Variants in MEIG1 observed in about 807,000 individuals in gnomAD.
MEIG1 encodes the protein meiosis expressed gene 1 protein homolog.
In MEIG1, 12 loss-of-function variants were observed where a neutral mutation model predicts 11.3. The ratio of observed to expected loss-of-function variants is 1.07; its 90% confidence interval spans 0.68 to 1.73. The LOEUF (loss-of-function observed/expected upper bound fraction) is 1.73, where lower values mean the gene tolerates loss of function less well. MEIG1 is among the 40% of genes most tolerant of loss of function. MEIG1 has a pLI of 0.00. For missense variants in MEIG1, 119 were observed against 104.9 expected (o/e 1.13, Z -0.59); for synonymous variants, 41 against 33.2 (o/e 1.24, Z -0.81).
chr10:14,957,032 C>T (rs183590918), upstream of MEIG1, among the ~76,000 whole-genome samples: 11 of 152,166 alleles, frequency 7.2e-5, no homozygotes, highest in Non-Finnish European at 1.6e-4. Context: ...CCAGTCTAGA[C>T]GACAAAAGAG....
chr10:14,972,605 CAAAG>C lies in MEIG1; in HGVS notation c.234_237del (p.Glu79SerfsTer4), dbSNP rs1183988711. 7 of 1,612,442 alleles carry C rather than the reference CAAAG, an allele frequency of 4.3e-6. No individual in the cohort carries two copies. Among genetic ancestry groups the C allele is most frequent in the African/African-American group, 4.0e-5 (3 of 74,886 alleles). On this transcript the variant is annotated frameshift_variant, in exon 3 of 3. Transcript: ENST00000407572. LOFTEE classifies it high-confidence loss of function. ...ACAACAAACAGAGGGAATGTGATGA[CAAAG>C]AAGTCCACAAAGTGAAAATTTATGC...
At chr10:14,982,127 A>G (rs1311445161) in intron 1 of MEIG1, among the ~76,000 whole-genome samples, 2 of 152,180 alleles carry the variant, frequency 1.3e-5, no homozygotes, top group Non-Finnish European at 2.9e-5. Context: ...GGGAGTATAC[A>G]TATGATAGGC....
chr10:14,977,871 G>C (rs146623049), intron 1 of MEIG1, among the ~76,000 whole-genome samples: 233 of 151,990 alleles, frequency 1.5e-3, no homozygotes, highest in African/African-American at 5.3e-3. Flanking sequence ...ATCACCGTGA[G>C]TTTACACCCT....
chr10:14,984,722 A>G (rs1250187451), intron 1 of MEIG1, among the ~76,000 whole-genome samples: 2 of 152,200 alleles, frequency 1.3e-5, no homozygotes, highest in East Asian at 3.9e-4. Flanking sequence ...GTCCTATTCT[A>G]GGGAAATGTG....
intron 1 of MEIG1, among the ~76,000 whole-genome samples, chr10:14,981,714 T>C (rs751863154): frequency 8.5e-5 from 13 of 152,248 alleles, no homozygotes; most frequent in East Asian, 1.9e-4. Context: ...GGGCCTCCTG[T>C]TCTGAGTCAT....
At chr10:14,971,513 A>C (rs1332162952) in intron 2 of MEIG1, among the ~76,000 whole-genome samples, 1 of 151,196 alleles carries the variant, frequency 6.6e-6, no homozygotes, top group Non-Finnish European at 1.5e-5. Flanking sequence ...ACCGCACTAC[A>C]GCCTCGGAGA....
downstream of MEIG1, among the ~76,000 whole-genome samples, chr10:14,976,478 T>A (rs978868922): frequency 3.3e-5 from 5 of 152,132 alleles, no homozygotes; most frequent in African/African-American, 1.2e-4. Context: ...ATATTATTCA[T>A]AATATCCTAG....
At chr10:14,978,828 T>C (rs1025882960) in intron 1 of MEIG1, among the ~76,000 whole-genome samples, 12 of 151,896 alleles carry the variant, frequency 7.9e-5, no homozygotes, top group Non-Finnish European at 1.8e-4. Flanking sequence ...CTTTTGAAAT[T>C]ATTCATCACA....
chr10:14,971,606 T>C (rs2131273710), intron 2 of MEIG1, among the ~76,000 whole-genome samples: 1 of 152,262 alleles, frequency 6.6e-6, no homozygotes, highest in South Asian at 2.1e-4. Context: ...ATATACACTT[T>C]TGGATAGTTC....
At chr10:14,955,140 C>G (rs41304286), upstream of MEIG1, among the ~76,000 whole-genome samples, 22 of 152,254 alleles carry the variant, frequency 1.4e-4, 1 homozygote, top group East Asian at 4.1e-3. Context: ...CCACGTTGAC[C>G]AGGCTGGTCT....
At chr10:14,974,289 C>T (rs1441774288), downstream of MEIG1, among the ~76,000 whole-genome samples, 1 of 152,146 alleles carries the variant, frequency 6.6e-6, no homozygotes. Flanking sequence ...CTCCGCCTTT[C>T]ATCTCTGTTA....
chr10:14,969,622 G>A (rs1387020596), intron 2 of MEIG1, among the ~76,000 whole-genome samples: 1 of 152,164 alleles, frequency 6.6e-6, no homozygotes, highest in Non-Finnish European at 1.5e-5. Context: ...TTCACCTGCA[G>A]TCAGGAGTTA....
At chr10:14,954,260 C>T in the MEIG1 span, 1 of 594,610 alleles carries the variant, frequency 1.7e-6, no homozygotes, top group African/African-American at 1.9e-5. Context: ...GAGCCCTGCC[C>T]AGTGCAAGGC....
Position 14,972,643 on chromosome 10 carries a change from C to T in MEIG1, c.*2C>T. 3.1e-6 allele frequency: 5 copies of T among 1,599,556 alleles called. No individual in the cohort carries two copies. The highest frequency in any genetic ancestry group is 4.3e-6 in the Non-Finnish European group (5 of 1,173,632). ...AAAGTGAAAATTTATGCTTACTAGC[C>T]TGTCTTCTTTGTATTACTTGTCAAT... On this transcript the variant is annotated 3_prime_UTR_variant, in exon 3 of 3. Transcript: ENST00000407572.
At chr10:14,985,683 A>G (rs1843311711) in intron 1 of MEIG1, among the ~76,000 whole-genome samples, 1 of 152,044 alleles carries the variant, frequency 6.6e-6, no homozygotes, top group South Asian at 2.1e-4. Context: ...AGTGTACAAA[A>G]TGTCACAGAA....
At chr10:14,954,886 A>G (rs1228177565), upstream of MEIG1, among the ~76,000 whole-genome samples, 2 of 152,164 alleles carry the variant, frequency 1.3e-5, no homozygotes, top group Non-Finnish European at 2.9e-5. Flanking sequence ...TTCCTATCAA[A>G]TCTCCTTAGT....
intron 2 of MEIG1, among the ~76,000 whole-genome samples, chr10:14,968,610 G>A (rs1843114897): frequency 6.6e-6 from 1 of 152,062 alleles, no homozygotes; most frequent in African/African-American, 2.4e-5. Context: ...CATTATTGTG[G>A]TTAACAATAG....
intron 2 of MEIG1, among the ~76,000 whole-genome samples, chr10:14,971,845 C>T (rs1173358350): frequency 2.6e-5 from 4 of 152,150 alleles, no homozygotes; most frequent in Non-Finnish European, 5.9e-5. Context: ...GAGCTGGGTG[C>T]AGTGGCTCAG....
Position 14,972,594 on chromosome 10 carries a change from G to A in MEIG1, c.220G>A (p.Glu74Lys). 2 of 1,613,276 alleles carry A rather than the reference G, an allele frequency of 1.2e-6. No homozygotes were observed. Among genetic ancestry groups the A allele is most frequent in the Non-Finnish European group, 1.7e-6 (2 of 1,179,696 alleles). Reference sequence around the variant, plus strand: ...GTTCTATTACTACAACAAACAGAGGGAATGTGATGACAAAGAAGTCCACAA... The same window carrying A: ...GTTCTATTACTACAACAAACAGAGGAAATGTGATGACAAAGAAGTCCACAA... ...NTFYYYNKQR[E>K]CDDKEVHKVK... The change falls in exon 3 of 3, where the codon GAA becomes AAA. Residue 74 changes from glutamate to lysine, a missense_variant. Coordinates refer to ENST00000407572, the MANE Select transcript of MEIG1 (RefSeq NM_001080836.3).
Sources: allele counts gnomAD v4.1 joint callset (sites outside exome capture counted in the v4.1 genomes callset), GRCh38; gene constraint gnomAD v4.1.1; transcripts MANE v1.5; gene names NCBI Gene and HGNC (gene_info 2026-07-23, HGNC 2026-07-21).